The following PKD2 variants were observed in gnomAD, a reference collection of about 807,000 sequenced individuals.
PKD2 encodes polycystin-2.
A neutral mutation model predicts 105.9 loss-of-function variants in PKD2; 48 were observed. That is an observed-to-expected ratio of 0.45 (90% CI 0.36 to 0.58). The LOEUF is 0.58. Ranked by LOEUF, PKD2 falls within the 20% of genes least tolerant of loss-of-function variation. The pLI, the probability that PKD2 is intolerant of heterozygous loss-of-function variation, is 0.00. For synonymous variants in PKD2, 464 were observed against 481.1 expected (o/e 0.96, Z 0.46); for missense variants, 1,078 against 1,255.3 (o/e 0.86, Z 2.13).
intron 2 of PKD2, among the ~76,000 whole-genome samples, chr4:88,028,844 T>C (rs1199548035): frequency 6.6e-6 from 1 of 152,238 alleles, no homozygotes; most frequent in East Asian, 1.9e-4. Context: ...TATCCAAGAT[T>C]GTCTGTATAT....
Position 88,007,828 on chromosome 4 carries a change from G to A in PKD2, c.95G>A (p.Gly32Asp), listed in dbSNP as rs1393526656. 16 of 1,189,452 alleles carry A rather than the reference G, an allele frequency of 1.3e-5. No individual in the cohort carries two copies. The highest frequency in any genetic ancestry group is 4.6e-5 in the Admixed American group (1 of 21,792). 73.7% of individuals were successfully genotyped at this position (1,189,452 alleles called of 1,614,324 possible). The change falls in exon 1 of 15, where the codon GGC becomes GAC. Residue 32 changes from glycine (G) to aspartate (D), a missense_variant. Gly to Asp is a moderately conservative substitution (Grantham distance 94). Transcript: ENST00000237596. ...CCGGACCCGGGCCGGCTGATGGCTG[G>A]CTGCGCGGCCGTGGGCGCCAGCCTC... is the stretch of plus-strand genomic sequence containing the variant. ...RAPDPGRLMA[G>D]CAAVGASLAA...
intron 6 of PKD2, among the ~76,000 whole-genome samples, chr4:88,050,709 C>G (rs779097165): frequency 2.7e-5 from 4 of 147,966 alleles, no homozygotes; most frequent in Non-Finnish European, 4.4e-5. Flanking sequence ...GAGATGAGCT[C>G]CTCATCTCAG....
intron 2 of PKD2, among the ~76,000 whole-genome samples, chr4:88,020,575 C>A (rs910349302): frequency 9.9e-5 from 15 of 151,748 alleles, no homozygotes; most frequent in Non-Finnish European, 2.1e-4. Context: ...AAAGGGCGTT[C>A]GATGATGGAT....
chr4:88,073,034 CAAAAAAA>C (rs34782103), intron 13 of PKD2, among the ~76,000 whole-genome samples: 1 of 79,952 alleles, frequency 1.3e-5, no homozygotes, highest in African/African-American at 4.6e-5. Flanking sequence ...GACTCTGTCT[CAAAAAAA>C]AAAAAAAAAA....
intron 2 of PKD2, among the ~76,000 whole-genome samples, chr4:88,021,432 G>T (rs7700163): frequency 0.4 from 60,589 of 152,030 alleles, 12,801 homozygotes; most frequent in African/African-American, 0.54. Flanking sequence ...GAATATTGTC[G>T]CTTTTTGTTC....
In PKD2 at chr4:88,052,045, C is replaced by T. The variant is rs1175008905; in HGVS notation, c.1603C>T (p.Leu535=). The T allele has an allele frequency of 1.9e-6, 3 of 1,601,444 alleles. No homozygotes were observed. The highest frequency in any genetic ancestry group is 2.6e-6 in the Non-Finnish European group (3 of 1,168,736). ...ATACAGAACATCAAATGTGGAGGTG[C>T]TACTACAGTTTCTGGAAGATCAAAA... ...NIYRTSNVEV[L]LQFLEDQNTF... is the part of the protein sequence containing the mutation. The change falls in exon 7 of 15, where the codon CTA becomes TTA. Residue 535 remains leucine, a synonymous_variant. Transcript: ENST00000237596.
At chr4:88,011,277 A>G (rs1726372511) in intron 1 of PKD2, among the ~76,000 whole-genome samples, 1 of 151,698 alleles carries the variant, frequency 6.6e-6, no homozygotes, top group African/African-American at 2.4e-5. Context: ...GAATGTATCA[A>G]CCTGTTAAAG....
In PKD2 at chr4:88,034,148, A is replaced by G. The variant is rs539297456; in HGVS notation, c.710-2072A>G. On this transcript the variant is annotated intron_variant, in intron 2 of 14. Coordinates refer to ENST00000237596, the MANE Select transcript of PKD2 (RefSeq NM_000297.4). ...GTAAGTCATATAACACCTGAAGAGG[A>G]CTGTTCTTGTCCTAATTACATTAGG... Among the ~76,000 whole-genome samples, 3 of 152,292 alleles carry G rather than the reference A, an allele frequency of 2.0e-5. No individual in the cohort carries two copies. The South Asian group carries it at 6.2e-4, about 32-fold the overall frequency.
chr4:88,055,623 G>A (rs1350053313), intron 7 of PKD2, among the ~76,000 whole-genome samples: 7 of 149,008 alleles, frequency 4.7e-5, no homozygotes, highest in Non-Finnish European at 8.8e-5. Context: ...ATAGATGTGA[G>A]CCACTGCACT....
chr4:88,029,558 A>G (rs200195791), intron 2 of PKD2, among the ~76,000 whole-genome samples: 4 of 152,002 alleles, frequency 2.6e-5, no homozygotes, highest in Non-Finnish European at 4.4e-5. Context: ...TTCTGTGATC[A>G]TTCTGCCTCA....
At chr4:88,068,851 T>G (rs1299913378) in intron 13 of PKD2, among the ~76,000 whole-genome samples, 2 of 152,234 alleles carry the variant, frequency 1.3e-5, no homozygotes, top group Non-Finnish European at 2.9e-5. Context: ...TATTAAAGTC[T>G]CCAAGTATTA....
intron 2 of PKD2, among the ~76,000 whole-genome samples, chr4:88,032,186 T>C (rs1453229532): frequency 6.6e-6 from 1 of 152,168 alleles, no homozygotes; most frequent in Admixed American, 6.5e-5. Context: ...AGACTGGAAA[T>C]TTTTTCTTTG....
At chr4:88,034,313 G>A (rs1212679204) in intron 2 of PKD2, among the ~76,000 whole-genome samples, 3 of 151,958 alleles carry the variant, frequency 2.0e-5, no homozygotes, top group African/African-American at 2.4e-5. Flanking sequence ...AAACACACTC[G>A]TGTTTGGATC....
chr4:88,056,334 T>TTCATATAGCAACC, intron 8 of PKD2, 67 bp downstream of exon 8: 2 of 979,520 alleles, frequency 2.0e-6, no homozygotes, highest in Non-Finnish European at 3.1e-6. Context: ...AGAATAAATC[T>TTCATATAGCAACC]TCATATGAGG....
chr4:88,049,390 TATC>T (rs1214339501), intron 6 of PKD2, among the ~76,000 whole-genome samples: 1 of 152,260 alleles, frequency 6.6e-6, no homozygotes, highest in Non-Finnish European at 1.5e-5. Context: ...AAGGCAATGA[TATC>T]ATGGAAATTG....
chr4:88,073,453 G>A (rs1346143208), intron 13 of PKD2, among the ~76,000 whole-genome samples: 1 of 151,922 alleles, frequency 6.6e-6, no homozygotes, highest in Admixed American at 6.6e-5. Flanking sequence ...TTGAACCTAC[G>A]AGGCAGAAGT....
intron 2 of PKD2, among the ~76,000 whole-genome samples, chr4:88,028,362 C>A (rs910843980): frequency 1.3e-5 from 2 of 152,184 alleles, no homozygotes; most frequent in African/African-American, 4.8e-5. Flanking sequence ...AATTCCATTT[C>A]CAGTGAAAAA....
rs1721267041 is a variant in PKD2, at chr4:88,077,242, T to C, written c.*1548T>C. 1 of 152,630 alleles carries C rather than the reference T, an allele frequency of 6.6e-6. No individual in the cohort carries two copies. Among genetic ancestry groups the C allele is most frequent in the South Asian group, 2.1e-4 (1 of 4,826 alleles). 9.5% of individuals were successfully genotyped at this position (152,630 alleles called of 1,614,324 possible). ...AATCTCCAATGAGAACATGAGCAAA[T>C]AGACCTTTCCAGGTTGAAAGTGAAA... On this transcript the variant is annotated 3_prime_UTR_variant, in exon 15 of 15. Transcript: ENST00000237596.
rs2110151810 is a variant in PKD2 at position 88,075,575 on chromosome 4, G to C, written c.2788G>C (p.Gly930Arg). 2 of 1,614,192 alleles carry C rather than the reference G, an allele frequency of 1.2e-6. No individual in the cohort carries two copies. Among genetic ancestry groups the C allele is most frequent in the South Asian group, 2.2e-5 (2 of 91,084 alleles). Residue 930 changes from glycine (G) to arginine (R), a missense_variant, in exon 15 of 15, where the codon GGC becomes CGC. Around this residue, in one of 2 missense-constraint regions of PKD2, gnomAD observed 868 missense variants for 1,067.3 expected, o/e 0.81. Transcript: ENST00000237596. ...DAASQISHGL[G>R]TPVGLNGQPR... ...AGCTTCCCAGATCAGTCATGGTTTAGGCACGCCAGTGGGACTAAATGGTCA... is the reference window on the plus strand; with the variant it reads ...AGCTTCCCAGATCAGTCATGGTTTACGCACGCCAGTGGGACTAAATGGTCA...
Sources: gnomAD v4.1 joint callset for allele counts (sites outside exome capture counted in the v4.1 genomes callset) on GRCh38, gnomAD v4.1.1 for gene constraint, gnomAD v4.1.1 regional missense constraint, MANE v1.5 for transcripts, NCBI Gene and HGNC (gene_info 2026-07-23, HGNC 2026-07-21) for gene names.